The following SLC44A5 variants were observed in gnomAD, a reference collection of about 807,000 sequenced individuals.
SLC44A5 encodes the protein choline transporter-like protein 5.
Under a neutral mutation model 101.8 loss-of-function variants are expected in SLC44A5, and 57 were observed. That is an observed-to-expected ratio of 0.56 (90% CI 0.45 to 0.70). The LOEUF (loss-of-function observed/expected upper bound fraction) is 0.70. SLC44A5 is among the 30% of genes least tolerant of loss of function. The pLI is 0.00. For synonymous variants in SLC44A5, 281 were observed against 290.9 expected (o/e 0.97, Z 0.35); for missense variants, 737 against 853.1 (o/e 0.86, Z 1.70).
At chr1:75,630,594 C>CTATTAT in the SLC44A5 span, among the ~76,000 whole-genome samples, 33 of 151,174 alleles carry the variant, frequency 2.2e-4, no homozygotes, top group Middle Eastern at 3.2e-3. Flanking sequence ...CCTTTTTTCA[C>CTATTAT]TATTATTATT....
the SLC44A5 span, among the ~76,000 whole-genome samples, chr1:75,662,268 G>T: frequency 6.6e-6 from 1 of 152,040 alleles, no homozygotes; most frequent in East Asian, 1.9e-4. Flanking sequence ...CACATATTGT[G>T]TGTTCTTACT....
chr1:75,563,766 A>G (rs1284308636), intron 1 of SLC44A5, among the ~76,000 whole-genome samples: 2 of 152,112 alleles, frequency 1.3e-5, no homozygotes, highest in African/African-American at 2.4e-5. Context: ...TGCAAATAAC[A>G]TAGTTGTTCT....
At chr1:75,629,117 G>A in the SLC44A5 span, among the ~76,000 whole-genome samples, 2 of 152,070 alleles carry the variant, frequency 1.3e-5, no homozygotes, top group African/African-American at 4.8e-5. Context: ...AAATAATTAG[G>A]ACAAGAGTCT....
At chr1:75,454,707 T>A (rs975388443) in intron 2 of SLC44A5, among the ~76,000 whole-genome samples, 7 of 152,004 alleles carry the variant, frequency 4.6e-5, no homozygotes, top group African/African-American at 1.7e-4. Flanking sequence ...GGATACAAAA[T>A]AAATGTACAA....
intron 2 of SLC44A5, among the ~76,000 whole-genome samples, chr1:75,433,400 T>C (rs1664719301): frequency 6.6e-6 from 1 of 152,148 alleles, no homozygotes; most frequent in Non-Finnish European, 1.5e-5. Flanking sequence ...GCATTTGATA[T>C]TGCTAACCAG....
chr1:75,721,124 A>G, the SLC44A5 span, among the ~76,000 whole-genome samples: 1 of 152,216 alleles, frequency 6.6e-6, no homozygotes, highest in Non-Finnish European at 1.5e-5. Context: ...TGATGTTAAC[A>G]TCACTGAGGT....
intron 3 of SLC44A5, among the ~76,000 whole-genome samples, chr1:75,388,672 G>A (rs1188823944): frequency 6.6e-6 from 1 of 151,980 alleles, no homozygotes; most frequent in Non-Finnish European, 1.5e-5. Context: ...CCAGCAACTT[G>A]GGAGGCTGAG....
chr1:75,353,428 G>A (rs2101080736), intron 3 of SLC44A5, among the ~76,000 whole-genome samples: 1 of 152,260 alleles, frequency 6.6e-6, no homozygotes, highest in Admixed American at 6.5e-5. Flanking sequence ...GAATTTAAGA[G>A]AGTCAACTTT....
the SLC44A5 span, among the ~76,000 whole-genome samples, chr1:75,654,248 G>A: frequency 0.019 from 2,830 of 152,190 alleles, 97 homozygotes; most frequent in African/African-American, 0.065. Context: ...ATTATAAAAG[G>A]TTCTCGCTTT....
At chr1:75,583,272 TA>T (rs1673804742) in intron 1 of SLC44A5, among the ~76,000 whole-genome samples, 1 of 152,244 alleles carries the variant, frequency 6.6e-6, no homozygotes, top group Non-Finnish European at 1.5e-5. Flanking sequence ...AGCTAATTTA[TA>T]ACTCTCATTT....
chr1:75,665,461 G>A, the SLC44A5 span, among the ~76,000 whole-genome samples: 228 of 152,260 alleles, frequency 1.5e-3, no homozygotes, highest in African/African-American at 5.3e-3. Context: ...ACTCAAGATG[G>A]ATGAAATATT....
chr1:75,232,629 T>C (rs1195356443), intron 12 of SLC44A5, among the ~76,000 whole-genome samples: 1 of 152,078 alleles, frequency 6.6e-6, no homozygotes, highest in African/African-American at 2.4e-5. Context: ...TAAAAACTCA[T>C]TGGAGATAAT....
intron 4 of SLC44A5, among the ~76,000 whole-genome samples, chr1:75,303,748 T>G (rs1165057526): frequency 1.3e-5 from 2 of 152,156 alleles, no homozygotes; most frequent in African/African-American, 4.8e-5. Context: ...TTCTCAATAA[T>G]TCACACCTTA....
the SLC44A5 span, among the ~76,000 whole-genome samples, chr1:75,689,462 G>C: frequency 2.2e-4 from 33 of 152,124 alleles, no homozygotes; most frequent in African/African-American, 7.7e-4. Context: ...ACTTTTCTAG[G>C]TATGGCAGGA....
chr1:75,465,936 T>C (rs940295306), intron 2 of SLC44A5, among the ~76,000 whole-genome samples: 18 of 152,186 alleles, frequency 1.2e-4, no homozygotes, highest in Non-Finnish European at 7.3e-5. Context: ...CACTGCTGAA[T>C]TCTACAAACA....
At chr1:75,650,685 C>A in the SLC44A5 span, among the ~76,000 whole-genome samples, 1 of 152,202 alleles carries the variant, frequency 6.6e-6, no homozygotes, top group Non-Finnish European at 1.5e-5. Flanking sequence ...TGCAGTGACA[C>A]AATCACAGTT....
rs145019836 is a variant in SLC44A5, at chr1:75,263,435, A to G, written c.260+11523T>C. 9.0e-3 allele frequency among the ~76,000 whole-genome samples: 1,369 copies of G among 152,312 alleles called. 32 individuals carry two copies. The highest frequency in any genetic ancestry group is 0.031 in the African/African-American group (1,298 of 41,578). On this transcript the variant is annotated intron_variant, in intron 6 of 23. Coordinates refer to ENST00000370859, the MANE Select transcript of SLC44A5 (RefSeq NM_001130058.2). ...AAAATCAAAACCACAATGAGATACCATCTCATGCCAGTTAGAATGATGGTC... is the reference window on the plus strand; with the variant it reads ...AAAATCAAAACCACAATGAGATACCGTCTCATGCCAGTTAGAATGATGGTC...
At chr1:75,672,009 T>C in the SLC44A5 span, among the ~76,000 whole-genome samples, 2 of 152,074 alleles carry the variant, frequency 1.3e-5, no homozygotes, top group Admixed American at 1.3e-4. Context: ...AAACCTCCAG[T>C]GATCATTTCC....
chr1:75,326,760 C>T (rs1269972634), intron 4 of SLC44A5, among the ~76,000 whole-genome samples: 2 of 152,040 alleles, frequency 1.3e-5, no homozygotes, highest in African/African-American at 4.8e-5. Context: ...TTTTATTGAA[C>T]AGTAGAAAAT....
Sources: allele counts gnomAD v4.1 joint callset (sites outside exome capture counted in the v4.1 genomes callset), GRCh38; gene constraint gnomAD v4.1.1; transcripts MANE v1.5; gene names NCBI Gene and HGNC (gene_info 2026-07-23, HGNC 2026-07-21).